The following NKAIN3 variants were observed in gnomAD, a reference collection of about 807,000 sequenced individuals.
NKAIN3 encodes the protein sodium/potassium transporting ATPase interacting 3, also known as sodium/potassium-transporting ATPase subunit beta-1-interacting protein 3.
A neutral mutation model predicts 30.2 loss-of-function variants in NKAIN3; 25 were observed. That is an observed-to-expected ratio of 0.83 (90% CI 0.60 to 1.16). The LOEUF is 1.16. NKAIN3 is among the 50% of genes most tolerant of loss of function. The probability of loss-of-function intolerance (pLI) is 0.00; values close to 1 mark genes in which losing one functional copy is unlikely to be tolerated. For missense variants in NKAIN3, 225 were observed against 254.1 expected (o/e 0.89, Z 0.78); for synonymous variants, 91 against 89.6 (o/e 1.02, Z -0.09).
chr8:62,616,146 C>CT (rs1340900140), intron 3 of NKAIN3, among the ~76,000 whole-genome samples: 4 of 151,726 alleles, frequency 2.6e-5, no homozygotes, highest in Non-Finnish European at 5.9e-5. Context: ...TGGGTTTTTG[C>CT]TTTTTTTTCT....
chr8:62,362,960 G>A (rs898055418), intron 1 of NKAIN3, among the ~76,000 whole-genome samples: 2 of 152,134 alleles, frequency 1.3e-5, no homozygotes, highest in African/African-American at 4.8e-5. Flanking sequence ...CAAGACTCCC[G>A]AGATTAAGGT....
chr8:62,668,528 A>C (rs187512701), intron 3 of NKAIN3, among the ~76,000 whole-genome samples: 1,861 of 152,308 alleles, frequency 0.012, 21 homozygotes, highest in Admixed American at 0.019. Flanking sequence ...CCATTACACC[A>C]TGCATGTTGT....
In NKAIN3 at chr8:62,602,066, G is replaced by T. The variant is rs542817650; in HGVS notation, c.273+12272G>T. Among the ~76,000 whole-genome samples the T allele has an allele frequency of 2.6e-5, 4 of 152,126 alleles. No homozygotes were observed. The South Asian group carries it at 8.3e-4, about 32-fold the overall frequency. On this transcript the variant is annotated intron_variant, in intron 3 of 6. Transcript: ENST00000623646. Reference sequence around the variant, plus strand: ...AATCTTTATCCTAAAAAGCCAATTTGAAGCTACATTATAAGCCAACGACAT... The same window carrying T: ...AATCTTTATCCTAAAAAGCCAATTTTAAGCTACATTATAAGCCAACGACAT...
intron 1 of NKAIN3, among the ~76,000 whole-genome samples, chr8:62,292,651 C>A (rs559260948): frequency 7.3e-4 from 111 of 152,308 alleles, no homozygotes; most frequent in African/African-American, 2.6e-3. Flanking sequence ...CAACCTTTCT[C>A]TCTGGCTGCT....
At position 62,981,380 on chromosome 8, in the gene NKAIN3, G is replaced by A. The variant is rs1002475210; in HGVS notation, c.*15973G>A. 6.6e-6 allele frequency: 1 copy of A among 152,116 alleles called. No homozygotes were observed. The highest frequency in any genetic ancestry group is 2.4e-5 in the African/African-American group (1 of 41,424). The allele number at this position is 152,116 out of a possible 1,614,324, so 9.4% of individuals were successfully genotyped here. A position where few individuals can be genotyped will look rare whatever the true frequency, so the allele number is the denominator to read the frequency against. On this transcript the variant is annotated 3_prime_UTR_variant, in exon 7 of 7. Coordinates refer to ENST00000623646, the MANE Select transcript of NKAIN3 (RefSeq NM_001304533.3). The stretch of plus-strand genomic sequence containing the variant: ...TGTCTCGTTTTCTTTTAAAGACATA[G>A]ATATTCCATTTTAATCCTGTATAAC...
intron 3 of NKAIN3, among the ~76,000 whole-genome samples, chr8:62,624,193 A>G (rs1811717693): frequency 6.6e-6 from 1 of 152,076 alleles, no homozygotes; most frequent in African/African-American, 2.4e-5. Context: ...CCTTTACCAC[A>G]TGCTTTATTA....
intron 1 of NKAIN3, among the ~76,000 whole-genome samples, chr8:62,394,882 C>T (rs1273536137): frequency 7.0e-6 from 1 of 142,474 alleles, no homozygotes; most frequent in African/African-American, 2.7e-5. Flanking sequence ...GGGGGAGGCG[C>T]TCATCACTTC....
intron 1 of NKAIN3, among the ~76,000 whole-genome samples, chr8:62,396,638 A>T (rs1817776072): frequency 6.6e-6 from 1 of 152,206 alleles, no homozygotes; most frequent in African/African-American, 2.4e-5. Context: ...ACTTTCTACT[A>T]ATTAATAACC....
intron 1 of NKAIN3, among the ~76,000 whole-genome samples, chr8:62,398,674 C>G (rs75800919): frequency 6.6e-6 from 1 of 152,182 alleles, no homozygotes; most frequent in Non-Finnish European, 1.5e-5. Flanking sequence ...TAAACTGTAG[C>G]GTGTTCACTG....
At chr8:62,954,105 T>G (rs910540700) in intron 6 of NKAIN3, 133 bp downstream of exon 6, 5 of 157,472 alleles carry the variant, frequency 3.2e-5, no homozygotes, top group African/African-American at 1.2e-4. Context: ...AAACACACCT[T>G]TCACATGTAA....
chr8:62,439,593 T>G (rs971031546), intron 1 of NKAIN3, among the ~76,000 whole-genome samples: 7 of 152,170 alleles, frequency 4.6e-5, no homozygotes, highest in African/African-American at 1.7e-4. Flanking sequence ...TTACTTTCTA[T>G]GTCAGACTTA....
chr8:62,280,399 G>A lies in NKAIN3; in HGVS notation c.54+31272G>A, dbSNP rs144132529. Among the ~76,000 whole-genome samples the A allele has an allele frequency of 3.3e-4, 50 of 151,918 alleles. 1 individual carries two copies. Among genetic ancestry groups the A allele is most frequent in the African/African-American group, 1.0e-3 (42 of 41,460 alleles). On this transcript the variant is annotated intron_variant, in intron 1 of 6. Transcript: ENST00000623646. Reference sequence around the variant, plus strand: ...CCTGCCTGATTGCCCTGGCCAGATCGTCCAACATTATATTGAATAGGAGTG... The same window carrying A: ...CCTGCCTGATTGCCCTGGCCAGATCATCCAACATTATATTGAATAGGAGTG...
chr8:62,952,304 G>A (rs1823305877), intron 5 of NKAIN3, among the ~76,000 whole-genome samples: 1 of 152,000 alleles, frequency 6.6e-6, no homozygotes, highest in Non-Finnish European at 1.5e-5. Flanking sequence ...ACATGAAGCA[G>A]AACTGTATTT....
chr8:62,457,002 A>G (rs1805844502), intron 1 of NKAIN3, among the ~76,000 whole-genome samples: 1 of 152,214 alleles, frequency 6.6e-6, no homozygotes, highest in African/African-American at 2.4e-5. Context: ...GCAGACTTTA[A>G]TCTCCATGAA....
intron 4 of NKAIN3, among the ~76,000 whole-genome samples, chr8:62,776,265 T>C (rs1309558623): frequency 6.6e-6 from 1 of 152,138 alleles, no homozygotes; most frequent in Non-Finnish European, 1.5e-5. Flanking sequence ...GATAATTTAG[T>C]CTATTTACAC....
At chr8:62,906,547 T>C (rs1380775376) in intron 4 of NKAIN3, among the ~76,000 whole-genome samples, 1 of 152,174 alleles carries the variant, frequency 6.6e-6, no homozygotes, top group Non-Finnish European at 1.5e-5. Flanking sequence ...TCATCTTGAA[T>C]TGTAGCTCCA....
intron 3 of NKAIN3, among the ~76,000 whole-genome samples, chr8:62,610,850 G>A (rs1311607736): frequency 6.6e-6 from 1 of 152,094 alleles, no homozygotes; most frequent in African/African-American, 2.4e-5. Flanking sequence ...GAAGGGGTTG[G>A]TTGAAATGAG....
intron 1 of NKAIN3, among the ~76,000 whole-genome samples, chr8:62,548,669 T>G (rs947335739): frequency 7.7e-6 from 1 of 129,792 alleles, no homozygotes; most frequent in Non-Finnish European, 1.7e-5. Context: ...AATTCTAACA[T>G]GGAAATTTTA....
chr8:62,666,251 GA>G (rs1297876604), intron 3 of NKAIN3, among the ~76,000 whole-genome samples: 1 of 152,066 alleles, frequency 6.6e-6, no homozygotes. Context: ...TCATTCATTA[GA>G]ACTCCTGTGC....
Sources: gnomAD v4.1 joint callset for allele counts (sites outside exome capture counted in the v4.1 genomes callset) on GRCh38, gnomAD v4.1.1 for gene constraint, MANE v1.5 for transcripts, NCBI Gene and HGNC (gene_info 2026-07-23, HGNC 2026-07-21) for gene names.